KCNQ1: variants seen among roughly 807,000 people sequenced by gnomAD.
KCNQ1 encodes potassium voltage-gated channel subfamily KQT member 1.
KCNQ1 carries 49 observed loss-of-function variants against 72.4 expected under a neutral mutation model. That is an observed-to-expected ratio of 0.68 (90% confidence interval 0.54 to 0.86). The LOEUF is 0.86. Among genes scored for constraint, KCNQ1 ranks in the 40% least tolerant of loss-of-function variants. The pLI, the probability that KCNQ1 is intolerant of heterozygous loss-of-function variation, is 0.00. For missense variants in KCNQ1, 790 were observed against 945.1 expected (o/e 0.84, Z 2.15); for synonymous variants, 450 against 412.6 (o/e 1.09, Z -1.10).
rs531776711 is a variant in KCNQ1, at chr11:2,500,969, C to A, written c.387-26959C>A. Among the ~76,000 whole-genome samples, 31 of 152,142 alleles carry A rather than the reference C, an allele frequency of 2.0e-4. 1 individual carries two copies. In the East Asian group the frequency reaches 6.0e-3, roughly 29 times the overall value. On this transcript the variant is annotated intron_variant, in intron 1 of 15. Transcript: ENST00000155840. ...GCAAACCACCATGGCACGTGTATGCCTATGTAACAAAACTGCATGTTCTGC... is the reference window on the plus strand; with the variant it reads ...GCAAACCACCATGGCACGTGTATGCATATGTAACAAAACTGCATGTTCTGC...
At chr11:2,820,945 C>T (rs370026950) in intron 15 of KCNQ1, among the ~76,000 whole-genome samples, 1 of 152,264 alleles carries the variant, frequency 6.6e-6, no homozygotes. Context: ...TGCTCACCCT[C>T]CCCTGGCCCG....
At chr11:2,575,055 A>G (rs575290509) in intron 6 of KCNQ1, among the ~76,000 whole-genome samples, 2 of 152,286 alleles carry the variant, frequency 1.3e-5, no homozygotes, top group East Asian at 3.9e-4. Flanking sequence ...AGCAAAAGCC[A>G]GTGGGTACTG....
In KCNQ1 at chr11:2,622,443, C is replaced by A. The variant is rs564574463; in HGVS notation, c.1393+33589C>A. On this transcript the variant is annotated intron_variant, in intron 10 of 15. Transcript: ENST00000155840. ...CTTTCAATCTACTTGTGTCTTTAGA[C>A]CAAAAGTGAGTTTGTTATATACAGC... The A allele has an allele frequency of 3.2e-4, 129 of 398,308 alleles. 3 individuals carry two copies. The South Asian group carries it at 9.7e-3, about 30-fold the overall frequency. 24.7% of individuals were successfully genotyped at this position (398,308 alleles called of 1,614,324 possible).
intron 10 of KCNQ1, among the ~76,000 whole-genome samples, chr11:2,605,906 T>C (rs1026385479): frequency 5.1e-4 from 78 of 152,346 alleles, no homozygotes; most frequent in African/African-American, 1.8e-3. Context: ...TCTTCCAGTC[T>C]ATGAGCATGT....
In KCNQ1 at chr11:2,458,682, T is replaced by TC. The variant is rs1174155078; in HGVS notation, c.386+13198_386+13199insC. 5.6e-5 allele frequency among the ~76,000 whole-genome samples: 7 copies of TC among 126,028 alleles called. No homozygotes were observed. Among genetic ancestry groups the TC allele is most frequent in the South Asian group, 2.6e-4 (1 of 3,806 alleles). 82.7% of individuals were successfully genotyped at this position (126,028 alleles called of 152,430 possible). A position where few individuals can be genotyped will look rare whatever the true frequency, so the allele number is the denominator to read the frequency against. The stretch of plus-strand genomic sequence containing the variant: ...ATGGATGGATGGATGGATGGATGGA[T>TC]GGATCGATCGATCTCACCAAGCCTC... On this transcript the variant is annotated intron_variant, in intron 1 of 15. Transcript: ENST00000155840. This position sits in a 1 kb window ranked among gnomAD's most constrained non-coding sequence, Gnocchi z 4.6.
intron 1 of KCNQ1, among the ~76,000 whole-genome samples, chr11:2,525,219 G>T (rs921438180): frequency 6.6e-6 from 1 of 152,176 alleles, no homozygotes; most frequent in South Asian, 2.1e-4. Context: ...TGTGCAAGGT[G>T]AGCCAGTCTG....
chr11:2,665,696 G>C (rs888509779), intron 11 of KCNQ1: 1 of 398,174 alleles, frequency 2.5e-6, no homozygotes, highest in Non-Finnish European at 4.4e-6. Flanking sequence ...GGAGGGAGAA[G>C]GGCATGTATA....
intron 15 of KCNQ1, among the ~76,000 whole-genome samples, chr11:2,789,374 C>A (rs555136841): frequency 6.6e-6 from 1 of 152,166 alleles, no homozygotes; most frequent in Non-Finnish European, 1.5e-5. Flanking sequence ...GCACCAGGGT[C>A]GGGCTTTGCA....
intron 11 of KCNQ1, among the ~76,000 whole-genome samples, chr11:2,733,814 A>ACACTCTCTCT: frequency 2.3e-5 from 2 of 86,614 alleles, no homozygotes; most frequent in Admixed American, 1.2e-4. Context: ...ACACACACAC[A>ACACTCTCTCT]CTCTCTCACT....
chr11:2,577,776 T>C (rs1016462513), intron 6 of KCNQ1, among the ~76,000 whole-genome samples: 6 of 152,104 alleles, frequency 3.9e-5, no homozygotes, highest in African/African-American at 1.4e-4. Context: ...CCACGGGGGC[T>C]GGGCGTCCCC....
At chr11:2,568,098 A>C (rs1327203310) in intron 2 of KCNQ1, among the ~76,000 whole-genome samples, 4 of 151,950 alleles carry the variant, frequency 2.6e-5, no homozygotes, top group Admixed American at 2.6e-4. Flanking sequence ...GCAAAACCCC[A>C]TCTCTACTAA....
chr11:2,556,865 A>C (rs767245030), intron 2 of KCNQ1, among the ~76,000 whole-genome samples: 10 of 152,228 alleles, frequency 6.6e-5, no homozygotes, highest in Non-Finnish European at 1.2e-4. Context: ...GGATCAGAAC[A>C]TGGATAACAT....
At position 2,766,285 on chromosome 11, in the gene KCNQ1, T is replaced by C. The variant is rs1264644366; in HGVS notation, c.1515-2559T>C. ...CAGCAATCTGGGCTGCCCAGTTGGG[T>C]GGTCTCACTTGGATTCGATGACATG... On this transcript the variant is annotated intron_variant, in intron 11 of 15. Coordinates refer to ENST00000155840, the MANE Select transcript of KCNQ1 (RefSeq NM_000218.3). This position sits in a 1 kb window ranked among gnomAD's most constrained non-coding sequence, Gnocchi z 4.4. 6.6e-6 allele frequency among the ~76,000 whole-genome samples: 1 copy of C among 152,180 alleles called. No homozygotes were observed.
rs973635768 is a variant in KCNQ1 at position 2,782,676 on chromosome 11, G to A, written c.1794+4639G>A. Among the ~76,000 whole-genome samples the A allele has an allele frequency of 6.6e-6, 1 of 152,102 alleles. No homozygotes were observed. The highest frequency in any genetic ancestry group is 1.5e-5 in the Non-Finnish European group (1 of 68,014). On this transcript the variant is annotated intron_variant, in intron 15 of 15. Coordinates refer to ENST00000155840, the MANE Select transcript of KCNQ1 (RefSeq NM_000218.3). This position sits in a 1 kb window ranked among gnomAD's most constrained non-coding sequence, Gnocchi z 6.1. The stretch of plus-strand genomic sequence containing the variant: ...TTTCTTCTTGTATCAGTTTTGATAA[G>A]TTATATATTCTAGGAATTTATACAT...
In KCNQ1 at chr11:2,566,590, C is replaced by T. The variant is rs1848251512; in HGVS notation, c.478-4038C>T. On this transcript the variant is annotated intron_variant, in intron 2 of 15. Coordinates refer to ENST00000155840, the MANE Select transcript of KCNQ1 (RefSeq NM_000218.3). The surrounding 1 kb of genome is among the most constrained non-coding windows in gnomAD (Gnocchi z 6.7). ...CATGAAGCCATCTGCAGCCAGGAGG[C>T]GGCCTTGCTTTAGTCTGAAGGAGAG... Among the ~76,000 whole-genome samples the T allele has an allele frequency of 6.6e-6, 1 of 152,170 alleles. No homozygotes were observed. Among genetic ancestry groups the T allele is most frequent in the African/African-American group, 2.4e-5 (1 of 41,432 alleles).
chr11:2,594,746 A>G (rs1281070494), intron 10 of KCNQ1, among the ~76,000 whole-genome samples: 1 of 152,118 alleles, frequency 6.6e-6, no homozygotes, highest in Non-Finnish European at 1.5e-5. Context: ...GCTTGATTTT[A>G]GCATCTTGTA....
At position 2,659,904 on chromosome 11, in the gene KCNQ1, C is replaced by A; in HGVS notation, c.1394-2057C>A. On this transcript the variant is annotated intron_variant, in intron 10 of 15. Coordinates refer to ENST00000155840, the MANE Select transcript of KCNQ1 (RefSeq NM_000218.3). The surrounding 1 kb of genome is among the most constrained non-coding windows in gnomAD (Gnocchi z 4.3). ...AAAATTGGATTGTTCACTTTATTGT[C>A]AAGTTGTAAGCATTCTTTATATATT... The A allele has an allele frequency of 2.5e-6, 1 of 398,160 alleles. No homozygotes were observed. The highest frequency in any genetic ancestry group is 1.3e-4 in the South Asian group (1 of 7,808). The allele number at this position is 398,160 out of a possible 1,614,324, so 24.7% of individuals were successfully genotyped here.
In KCNQ1 at chr11:2,676,752, T is replaced by C; in HGVS notation, c.1514+14671T>C. ...AGTGGCTTTGGGTACGATGGTCTGC[T>C]GTATGAAGCAACCCTAGGACATTTG... On this transcript the variant is annotated intron_variant, in intron 11 of 15. Transcript: ENST00000155840. This position sits in a 1 kb window ranked among gnomAD's most constrained non-coding sequence, Gnocchi z 4.2. The C allele has an allele frequency of 2.5e-6, 1 of 398,646 alleles. No homozygotes were observed. The highest frequency in any genetic ancestry group is 3.6e-5 in the East Asian group (1 of 28,078). 24.7% of individuals were successfully genotyped at this position (398,646 alleles called of 1,614,324 possible).
In KCNQ1 at chr11:2,826,429, G is replaced by T. The variant is rs1010924835; in HGVS notation, c.1795-21338G>T. Among the ~76,000 whole-genome samples, 3 of 152,264 alleles carry T rather than the reference G, an allele frequency of 2.0e-5. No homozygotes were observed. The highest frequency in any genetic ancestry group is 2.9e-5 in the Non-Finnish European group (2 of 68,044). On this transcript the variant is annotated intron_variant, in intron 15 of 15. Transcript: ENST00000155840. The surrounding 1 kb of genome is among the most constrained non-coding windows in gnomAD (Gnocchi z 4.2). ...CCAGCAGCCGCCTCTTGGCAGCGCTGATGGAAACCGCCGTGCGGTTCCGCG... is the reference window on the plus strand; with the variant it reads ...CCAGCAGCCGCCTCTTGGCAGCGCTTATGGAAACCGCCGTGCGGTTCCGCG...
Sources: gnomAD v4.1 joint callset for allele counts (sites outside exome capture counted in the v4.1 genomes callset) on GRCh38, gnomAD v4.1.1 for gene constraint, Gnocchi (gnomAD v3.1) non-coding constraint, MANE v1.5 for transcripts, NCBI Gene and HGNC (gene_info 2026-07-23, HGNC 2026-07-21) for gene names.